AMPH: variants seen among roughly 807,000 people sequenced by gnomAD.
AMPH encodes amphiphysin.
In AMPH, 49 loss-of-function variants were observed where a neutral mutation model predicts 99.1. The ratio of observed to expected loss-of-function variants is 0.49; its 90% confidence interval spans 0.39 to 0.63. The LOEUF (loss-of-function observed/expected upper bound fraction) is 0.63. Among genes scored for constraint, AMPH ranks in the 20% least tolerant of loss-of-function variants. AMPH has a pLI of 0.00. For missense variants in AMPH, 759 were observed against 863.4 expected, an observed-to-expected ratio of 0.88 and a Z score of 1.52; for synonymous variants, 314 against 317.3, an observed-to-expected ratio of 0.99 and a Z score of 0.11.
intron 2 of AMPH, among the ~76,000 whole-genome samples, chr7:38,521,010 G>A (rs1163464736): frequency 6.6e-6 from 1 of 152,138 alleles, no homozygotes; most frequent in Non-Finnish European, 1.5e-5. Context: ...AACTAAAAGG[G>A]GAAGTGTGAT....
chr7:38,489,412 G>T (rs147229801), intron 5 of AMPH, among the ~76,000 whole-genome samples: 2 of 151,830 alleles, frequency 1.3e-5, no homozygotes, highest in East Asian at 1.9e-4. Flanking sequence ...GTTGAGGGGG[G>T]GGGAAGCTTC....
intron 17 of AMPH, among the ~76,000 whole-genome samples, chr7:38,406,718 C>CCT (rs1784998412): frequency 7.6e-6 from 1 of 132,386 alleles, no homozygotes; most frequent in African/African-American, 2.8e-5. Context: ...CCTCTCCTCT[C>CCT]TCTCTCCCTT....
At chr7:38,558,875 C>T (rs182409480) in intron 1 of AMPH, among the ~76,000 whole-genome samples, 4 of 152,142 alleles carry the variant, frequency 2.6e-5, no homozygotes, top group South Asian at 4.2e-4. Context: ...GCAATTGGCA[C>T]GTATATAAGA....
At chr7:38,385,827 G>A (rs1444399928) in intron 20 of AMPH, among the ~76,000 whole-genome samples, 6 of 152,180 alleles carry the variant, frequency 3.9e-5, no homozygotes, top group Non-Finnish European at 8.8e-5. Context: ...AGTCTAGCTG[G>A]AAAAGCTGTG....
At chr7:38,404,216 A>G (rs1367143739) in intron 17 of AMPH, among the ~76,000 whole-genome samples, 1 of 151,222 alleles carries the variant, frequency 6.6e-6, no homozygotes, top group Non-Finnish European at 1.5e-5. Flanking sequence ...CAGCCCCCTA[A>G]CCCTTATCCC....
At position 38,479,367 on chromosome 7, in the gene AMPH, A is replaced by C. The variant is rs572068839; in HGVS notation, c.397-2398T>G. On this transcript the variant is annotated intron_variant, in intron 5 of 20. Coordinates refer to ENST00000356264, the MANE Select transcript of AMPH (RefSeq NM_001635.4). ...AAAATATTTACAAAAGTGAAGATGA[A>C]ATATTTTTTTTCAGACAAACAAAGG... Among the ~76,000 whole-genome samples, 59 of 152,294 alleles carry C rather than the reference A, an allele frequency of 3.9e-4. 1 individual carries two copies. The South Asian group carries it at 0.011, about 28-fold the overall frequency.
At chr7:38,566,042 T>C (rs188148393) in intron 1 of AMPH, among the ~76,000 whole-genome samples, 1 of 152,326 alleles carries the variant, frequency 6.6e-6, no homozygotes, top group Non-Finnish European at 1.5e-5. Flanking sequence ...TTCAAAACTT[T>C]CTTCCTAAGT....
chr7:38,594,427 C>T (rs1162233689), intron 1 of AMPH, among the ~76,000 whole-genome samples: 1 of 152,160 alleles, frequency 6.6e-6, no homozygotes, highest in Non-Finnish European at 1.5e-5. Context: ...TGACTGCTTC[C>T]CTACCTGGTA....
At chr7:38,550,476 G>C (rs761350164) in intron 1 of AMPH, among the ~76,000 whole-genome samples, 1 of 152,188 alleles carries the variant, frequency 6.6e-6, no homozygotes, top group Admixed American at 6.5e-5. Context: ...ATGATCACAC[G>C]ATACACCACA....
intron 1 of AMPH, among the ~76,000 whole-genome samples, chr7:38,574,087 G>A (rs115706589): frequency 0.016 from 2,446 of 152,244 alleles, 74 homozygotes; most frequent in African/African-American, 0.056. Context: ...TAAGGCAAAG[G>A]TGTAAAATTT....
intron 3 of AMPH, among the ~76,000 whole-genome samples, chr7:38,494,762 C>T (rs1306294877): frequency 6.6e-6 from 1 of 152,056 alleles, no homozygotes; most frequent in African/African-American, 2.4e-5. Flanking sequence ...TATGGGGTCT[C>T]GGGAAAGATC....
intron 18 of AMPH, 56 bp from the exon 19 acceptor site, chr7:38,392,073 T>C (rs1427675439): frequency 2.5e-6 from 4 of 1,570,518 alleles, no homozygotes; most frequent in Middle Eastern, 2.3e-4. Context: ...CAGAACCTCC[T>C]TGTCCTGCAC....
chr7:38,602,170 T>G (rs890652271), intron 1 of AMPH, among the ~76,000 whole-genome samples: 1 of 152,104 alleles, frequency 6.6e-6, no homozygotes, highest in East Asian at 1.9e-4. Context: ...CAGACGCCAA[T>G]AAGGGGGATG....
chr7:38,510,566 T>A (rs1412907266), intron 2 of AMPH, among the ~76,000 whole-genome samples: 1 of 152,198 alleles, frequency 6.6e-6, no homozygotes, highest in Non-Finnish European at 1.5e-5. Context: ...AATAATTGCA[T>A]ATGGTTGGCA....
intron 4 of AMPH, among the ~76,000 whole-genome samples, chr7:38,492,368 G>A (rs554248012): frequency 8.4e-4 from 128 of 152,324 alleles, no homozygotes; most frequent in Non-Finnish European, 1.4e-3. Context: ...GTGAAGGCAT[G>A]CTAAAAATGG....
At chr7:38,529,130 G>A (rs75481836) in intron 2 of AMPH, among the ~76,000 whole-genome samples, 2,745 of 152,210 alleles carry the variant, frequency 0.018, 103 homozygotes, top group East Asian at 0.17. Flanking sequence ...TGGAAGAAGC[G>A]AGTTCCATCA....
At chr7:38,520,759 A>G (rs1038778238) in intron 2 of AMPH, among the ~76,000 whole-genome samples, 2 of 152,170 alleles carry the variant, frequency 1.3e-5, no homozygotes, top group African/African-American at 4.8e-5. Context: ...CAGATCCGGG[A>G]AGGAAGGGCA....
intron 1 of AMPH, among the ~76,000 whole-genome samples, chr7:38,568,319 G>T (rs1791819716): frequency 6.6e-6 from 1 of 152,148 alleles, no homozygotes; most frequent in South Asian, 2.1e-4. Context: ...CAAAAAATTA[G>T]CTGGGCATGG....
intron 1 of AMPH, among the ~76,000 whole-genome samples, chr7:38,565,601 A>G (rs1554362922): frequency 6.6e-6 from 1 of 151,366 alleles, no homozygotes; most frequent in Non-Finnish European, 1.5e-5. Context: ...TTTTAACTTA[A>G]TCACCTCTTT....
Sources: allele counts gnomAD v4.1 joint callset (sites outside exome capture counted in the v4.1 genomes callset), GRCh38; gene constraint gnomAD v4.1.1; transcripts MANE v1.5; gene names NCBI Gene and HGNC (gene_info 2026-07-23, HGNC 2026-07-21).